CLUAP1: variants seen among roughly 807,000 people sequenced by gnomAD.
The protein encoded by CLUAP1 is intraflagellar transport 38.
In CLUAP1, 50 loss-of-function variants were observed where a neutral mutation model predicts 55.0. The ratio of observed to expected loss-of-function variants is 0.91; its 90% CI spans 0.72 to 1.15. CLUAP1 has a LOEUF of 1.15. Ranked by LOEUF, CLUAP1 falls within the 50% of genes most tolerant of loss-of-function variation. CLUAP1 has a pLI of 0.00. For missense variants in CLUAP1, 530 were observed against 507.6 expected, an observed-to-expected ratio of 1.04 and a Z score of -0.42; for synonymous variants, 195 against 175.4, an observed-to-expected ratio of 1.11 and a Z score of -0.88.
At position 3,526,416 on chromosome 16, in the gene CLUAP1, C is replaced by T; in HGVS notation, c.860C>T (p.Ala287Val). 1 of 1,603,420 alleles carries T rather than the reference C, an allele frequency of 6.2e-7. No homozygotes were observed. The highest frequency in any genetic ancestry group is 1.8e-5 in the Admixed American group (1 of 57,112). The change falls in exon 9 of 12, where the codon GCT becomes GTT. Residue 287 changes from alanine to valine, a missense_variant. Ala to Val is a moderately conservative substitution (Grantham distance 64, BLOSUM62 0). Transcript: ENST00000576634. ...TCTGTATTTCCTCTTCCACAGGAAG[C>T]TAAAAACACTCTCTGCCTGATACAG... is the stretch of plus-strand genomic sequence containing the variant. ...HRMEQERFEE[A>V]KNTLCLIQNK...
chr16:3,514,337 T>G (rs2037690420), intron 5 of CLUAP1, among the ~76,000 whole-genome samples: 1 of 152,198 alleles, frequency 6.6e-6, no homozygotes, highest in South Asian at 2.1e-4. Flanking sequence ...AAATTCTGTG[T>G]GTAGTCATGA....
At chr16:3,519,870 C>T in intron 6 of CLUAP1, 33 bp from the exon 7 acceptor site, 1 of 1,547,698 alleles carries the variant, frequency 6.5e-7, no homozygotes, top group Non-Finnish European at 8.7e-7. Context: ...GTTTTTATTG[C>T]CACCTTGTCT....
chr16:3,518,661 C>T (rs2151055930), intron 6 of CLUAP1, among the ~76,000 whole-genome samples: 1 of 152,294 alleles, frequency 6.6e-6, no homozygotes, highest in South Asian at 2.1e-4. Flanking sequence ...AGGGTGAACT[C>T]GCATTTCTCC....
intron 3 of CLUAP1, among the ~76,000 whole-genome samples, chr16:3,507,894 C>T (rs2037541052): frequency 6.6e-6 from 1 of 151,964 alleles, no homozygotes; most frequent in East Asian, 1.9e-4. Context: ...AGTGGTATTG[C>T]TTGCATGGAT....
chr16:3,527,673 A>T (rs761903645), intron 9 of CLUAP1, among the ~76,000 whole-genome samples: 4 of 152,120 alleles, frequency 2.6e-5, no homozygotes, highest in Non-Finnish European at 4.4e-5. Flanking sequence ...TTCAGTGGTC[A>T]TGCTCCTAGT....
chr16:3,532,209 G>A (rs1370717873), intron 10 of CLUAP1, among the ~76,000 whole-genome samples: 1 of 152,010 alleles, frequency 6.6e-6, no homozygotes, highest in Admixed American at 6.6e-5. Context: ...GGGCGTTCTC[G>A]CATTGATATT....
intron 1 of CLUAP1, among the ~76,000 whole-genome samples, chr16:3,501,592 G>C (rs2037403662): frequency 6.6e-6 from 1 of 152,070 alleles, no homozygotes; most frequent in South Asian, 2.1e-4. Context: ...AGACCAGCCT[G>C]ACCAACATGG....
At position 3,521,210 on chromosome 16, in the gene CLUAP1, A is replaced by G. The variant is rs1169641723; in HGVS notation, c.713+1174A>G. 2.0e-5 allele frequency among the ~76,000 whole-genome samples: 3 copies of G among 151,562 alleles called. No homozygotes were observed. In the East Asian group the frequency reaches 5.8e-4, roughly 29 times the overall value. ...GAAGTCATTGCCGCCATATAGATTG[A>G]TCTCCTTGACACATTCCACTTTTAA... On this transcript the variant is annotated intron_variant, in intron 7 of 11. Coordinates refer to ENST00000576634, the MANE Select transcript of CLUAP1 (RefSeq NM_015041.3).
rs375854193 is a variant in CLUAP1 at position 3,506,443 on chromosome 16, G to T, written c.219+28G>T. The T allele has an allele frequency of 7.1e-6, 11 of 1,548,018 alleles. No individual in the cohort carries two copies. In the African/African-American group the frequency reaches 1.4e-4, roughly 19 times the overall value. On this transcript the variant is annotated intron_variant, in intron 3 of 11. Coordinates refer to ENST00000576634, the MANE Select transcript of CLUAP1 (RefSeq NM_015041.3). ...TAGTGGACACTTATTTTGTGGAGTT[G>T]TAAAATTAAATAAACTAGAAAGGAT...
At chr16:3,501,390 C>T (rs533390092) in intron 1 of CLUAP1, among the ~76,000 whole-genome samples, 2 of 152,372 alleles carry the variant, frequency 1.3e-5, no homozygotes, top group South Asian at 2.1e-4. Flanking sequence ...TAATTTATTT[C>T]TGTTTGTGTA....
At position 3,523,302 on chromosome 16, in the gene CLUAP1, G is replaced by A; in HGVS notation, c.855+3G>A. ...GGATGGAGCAAGAAAGGTTTGAGGT[G>A]AGCTGAGCCTGTCCTCTGTTCAGCC... On this transcript the variant is annotated splice_donor_region_variant and intron_variant, in intron 8 of 11. Transcript: ENST00000576634. The A allele has an allele frequency of 6.2e-7, 1 of 1,608,708 alleles. No homozygotes were observed. The highest frequency in any genetic ancestry group is 8.5e-7 in the Non-Finnish European group (1 of 1,178,250).
At chr16:3,532,959 GC>G (rs1391636339) in intron 11 of CLUAP1, 118 bp downstream of exon 11, 1 of 1,376,898 alleles carries the variant, frequency 7.3e-7, no homozygotes, top group Admixed American at 1.8e-5. Flanking sequence ...GCCCGGCCGT[GC>G]CTCGATGCGT....
upstream of CLUAP1, among the ~76,000 whole-genome samples, chr16:3,498,601 G>A (rs2037336882): frequency 6.6e-6 from 1 of 152,190 alleles, no homozygotes; most frequent in African/African-American, 2.4e-5. Flanking sequence ...CTGAGGTCAA[G>A]AGTTTGTGAC....
chr16:3,527,380 C>G (rs183520437), intron 9 of CLUAP1, among the ~76,000 whole-genome samples: 34 of 152,202 alleles, frequency 2.2e-4, no homozygotes, highest in Admixed American at 1.6e-3. Flanking sequence ...GACAAGAGTG[C>G]AAACCTTCTG....
chr16:3,528,606 G>C (rs993757063), intron 9 of CLUAP1, among the ~76,000 whole-genome samples: 3 of 152,148 alleles, frequency 2.0e-5, no homozygotes, highest in Non-Finnish European at 4.4e-5. Context: ...GCCCTGGTTT[G>C]TTGCTTGCAT....
upstream of CLUAP1, chr16:3,496,874 T>TTTTTC (rs1555491334): frequency 6.5e-5 from 8 of 123,512 alleles, no homozygotes; most frequent in Non-Finnish European, 1.1e-4. Flanking sequence ...TTTTCTTTTC[T>TTTTTC]TTTTTTTTTT....
intron 11 of CLUAP1, chr16:3,534,455 G>A (rs2151072995): frequency 6.5e-6 from 1 of 152,928 alleles, no homozygotes; most frequent in South Asian, 2.1e-4. Flanking sequence ...AGGGTGAGAT[G>A]AAGACTCTGT....
chr16:3,525,008 C>G (rs2037914113), intron 8 of CLUAP1, among the ~76,000 whole-genome samples: 1 of 152,166 alleles, frequency 6.6e-6, no homozygotes, highest in South Asian at 2.1e-4. Flanking sequence ...TCTTACAATA[C>G]TGAGCATTTG....
At chr16:3,527,528 C>T (rs2037969127) in intron 9 of CLUAP1, among the ~76,000 whole-genome samples, 1 of 152,026 alleles carries the variant, frequency 6.6e-6, no homozygotes, top group Non-Finnish European at 1.5e-5. Context: ...CTTAGCAGAC[C>T]AGGAAAGGGA....
Sources: allele counts gnomAD v4.1 joint callset (sites outside exome capture counted in the v4.1 genomes callset), GRCh38; gene constraint gnomAD v4.1.1; transcripts MANE v1.5; gene names NCBI Gene and HGNC (gene_info 2026-07-23, HGNC 2026-07-21).